Variants in PRKN observed in about 807,000 individuals in gnomAD.
PRKN encodes parkin RBR E3 ubiquitin protein ligase.
Under a neutral mutation model 59.5 loss-of-function variants are expected in PRKN, and 56 were observed. The ratio of observed to expected loss-of-function variants is 0.94; its 90% CI spans 0.76 to 1.18. PRKN has a LOEUF of 1.18. Among genes scored for constraint, PRKN ranks in the 50% most tolerant of loss-of-function variants. The pLI is 0.00. For missense variants in PRKN, 657 were observed against 596.4 expected (o/e 1.10, Z -1.06); for synonymous variants, 250 against 222.1 (o/e 1.13, Z -1.12).
At chr6:161,366,912 T>A (rs927084112) in intron 10 of PRKN, among the ~76,000 whole-genome samples, 1 of 151,754 alleles carries the variant, frequency 6.6e-6, no homozygotes, top group Non-Finnish European at 1.5e-5. Flanking sequence ...CGCTTTTTTG[T>A]TTTTTTTCTT....
intron 1 of PRKN, among the ~76,000 whole-genome samples, chr6:162,570,645 AGAGT>A (rs1171652728): frequency 2.0e-5 from 3 of 152,238 alleles, no homozygotes; most frequent in Admixed American, 1.3e-4. Context: ...GCCATAAAAA[AGAGT>A]GAGAGCCAGT....
At chr6:162,614,817 T>C (rs1782337642) in intron 1 of PRKN, among the ~76,000 whole-genome samples, 2 of 152,200 alleles carry the variant, frequency 1.3e-5, no homozygotes, top group Admixed American at 1.3e-4. Context: ...GAAAGAGCCA[T>C]ATACACAGTT....
At position 161,569,401 on chromosome 6, in the gene PRKN, G is replaced by T. The variant is rs1257682809; in HGVS notation, c.887C>A (p.Ser296Tyr). 1 of 1,613,906 alleles carries T rather than the reference G, an allele frequency of 6.2e-7. No homozygotes were observed. The highest frequency in any genetic ancestry group is 1.7e-4 in the Middle Eastern group (1 of 6,060). The change falls in exon 8 of 12, where the codon TCC (serine) becomes TAC (tyrosine). Residue 296 changes from serine (S) to tyrosine (Y), a missense_variant. Coordinates refer to ENST00000366898, the MANE Select transcript of PRKN (RefSeq NM_004562.3). ...GAAGTGATGGAGCTCTTTAATCAAGGAGTTGGGACAGCCAGCTGTTGGAAA... is the reference window on the plus strand; with the variant it reads ...GAAGTGATGGAGCTCTTTAATCAAGTAGTTGGGACAGCCAGCTGTTGGAAA... ...SLPCVAGCPN[S>Y]LIKELHHFRI...
At chr6:162,254,951 G>T (rs557743896) in intron 3 of PRKN, among the ~76,000 whole-genome samples, 1 of 151,936 alleles carries the variant, frequency 6.6e-6, no homozygotes, top group Non-Finnish European at 1.5e-5. Flanking sequence ...CAGAAAAACA[G>T]CCATGGGAAG....
At chr6:161,777,214 A>G (rs1411551854) in intron 7 of PRKN, among the ~76,000 whole-genome samples, 1 of 152,212 alleles carries the variant, frequency 6.6e-6, no homozygotes, top group Non-Finnish European at 1.5e-5. Context: ...CACCATATTT[A>G]TAGTAAGCGC....
chr6:162,096,468 T>C (rs1224391337), intron 4 of PRKN, among the ~76,000 whole-genome samples: 2 of 152,216 alleles, frequency 1.3e-5, no homozygotes, highest in Non-Finnish European at 2.9e-5. Context: ...AACCGTACTA[T>C]AGCTGGTGAT....
In PRKN at chr6:161,372,364, T is replaced by C. The variant is rs1056677060; in HGVS notation, c.1168-12159A>G. Among the ~76,000 whole-genome samples the C allele has an allele frequency of 6.6e-6, 1 of 152,158 alleles. No homozygotes were observed. The highest frequency in any genetic ancestry group is 1.5e-5 in the Non-Finnish European group (1 of 68,018). ...GAATGCGGAATCATCACTAATAGGA[T>C]GTGAGAGGGGTCAAAGCCGACCACA... On this transcript the variant is annotated intron_variant, in intron 10 of 11. Transcript: ENST00000366898. The surrounding 1 kb of genome is among the most constrained non-coding windows in gnomAD (Gnocchi z 4.2).
At chr6:162,213,837 ACACACACAC>A (rs1777518256) in intron 3 of PRKN, among the ~76,000 whole-genome samples, 3 of 146,956 alleles carry the variant, frequency 2.0e-5, no homozygotes, top group Non-Finnish European at 4.5e-5. Flanking sequence ...ACACACACAC[ACACACACAC>A]ACACACACAC....
chr6:161,875,443 T>G (rs1794699386), intron 6 of PRKN, among the ~76,000 whole-genome samples: 1 of 151,942 alleles, frequency 6.6e-6, no homozygotes, highest in African/African-American at 2.4e-5. Flanking sequence ...TCTGCCTGCC[T>G]CGGCCTCCCA....
At chr6:162,470,544 T>C (rs1016534777) in intron 1 of PRKN, among the ~76,000 whole-genome samples, 2 of 151,812 alleles carry the variant, frequency 1.3e-5, no homozygotes, top group East Asian at 2.0e-4. Context: ...TGAGCCAAGA[T>C]TGCATTACTG....
chr6:162,211,504 A>G (rs1307856933), intron 3 of PRKN, among the ~76,000 whole-genome samples: 1 of 152,158 alleles, frequency 6.6e-6, no homozygotes, highest in Admixed American at 6.5e-5. Context: ...TTTTCTTGCT[A>G]TTTAAAAAAT....
At chr6:161,534,905 C>T (rs772338833) in intron 9 of PRKN, among the ~76,000 whole-genome samples, 7 of 152,128 alleles carry the variant, frequency 4.6e-5, no homozygotes, top group South Asian at 2.1e-4. Flanking sequence ...CTAGTGATTG[C>T]GGTAGAAGAA....
In PRKN at chr6:162,445,654, T is replaced by C. The variant is rs149910648; in HGVS notation, c.8-2181A>G. Among the ~76,000 whole-genome samples, 392 of 127,720 alleles carry C rather than the reference T, an allele frequency of 3.1e-3. 3 individuals carry two copies. The highest frequency in any genetic ancestry group is 0.016 in the South Asian group (65 of 3,982). The allele number at this position is 127,720 out of a possible 152,430, so 83.8% of individuals were successfully genotyped here. A position where few individuals can be genotyped will look rare whatever the true frequency, so the allele number is the denominator to read the frequency against. On this transcript the variant is annotated intron_variant, in intron 1 of 11. Coordinates refer to ENST00000366898, the MANE Select transcript of PRKN (RefSeq NM_004562.3). ...TTTCAGTGAGCTATGGTTGTGCCAT[T>C]GCACTCAGTCACCCTGGGTGACAGA... is the stretch of plus-strand genomic sequence containing the variant.
At chr6:161,643,894 C>T (rs776724020) in intron 7 of PRKN, among the ~76,000 whole-genome samples, 3 of 152,100 alleles carry the variant, frequency 2.0e-5, no homozygotes, top group Non-Finnish European at 4.4e-5. Context: ...TTATTTATTT[C>T]ATTAGCATTG....
chr6:161,406,273 C>T (rs1370172325), intron 9 of PRKN, among the ~76,000 whole-genome samples: 1 of 151,854 alleles, frequency 6.6e-6, no homozygotes, highest in Non-Finnish European at 1.5e-5. Flanking sequence ...AAAATCTTCC[C>T]ACTTAGCATC....
chr6:162,066,488 A>T (rs755981742), intron 4 of PRKN, among the ~76,000 whole-genome samples: 1 of 152,200 alleles, frequency 6.6e-6, no homozygotes, highest in Non-Finnish European at 1.5e-5. Context: ...CAACAGTGTT[A>T]GGAGGGGGGC....
rs1122470 is a variant in PRKN, at chr6:161,348,078, C to G, written c.*2021G>C. On this transcript the variant is annotated 3_prime_UTR_variant, in exon 12 of 12. Coordinates refer to ENST00000366898, the MANE Select transcript of PRKN (RefSeq NM_004562.3). The surrounding 1 kb of genome is among the most constrained non-coding windows in gnomAD (Gnocchi z 4.9). ...CCTTGTTCAGGCACCGCAAGCCCAA[C>G]GCAGCATGCAGATTGGGAAGGCGCA... The G allele has an allele frequency of 5.4e-6, 1 of 186,802 alleles. No individual in the cohort carries two copies. The highest frequency in any genetic ancestry group is 1.1e-5 in the Non-Finnish European group (1 of 88,668). The allele number at this position is 186,802 out of a possible 1,614,324, so 11.6% of individuals were successfully genotyped here.
chr6:162,204,917 G>A (rs1444598057), intron 3 of PRKN, among the ~76,000 whole-genome samples: 1 of 151,244 alleles, frequency 6.6e-6, no homozygotes, highest in Non-Finnish European at 1.5e-5. Flanking sequence ...GACTGGAGTG[G>A]AATGGTACAA....
intron 1 of PRKN, among the ~76,000 whole-genome samples, chr6:162,606,106 A>C (rs566235296): frequency 1.3e-5 from 2 of 152,282 alleles, no homozygotes; most frequent in African/African-American, 4.8e-5. Context: ...ATGTTTGAAG[A>C]AGAAGCAAAA....
Sources: gnomAD v4.1 joint callset for allele counts (sites outside exome capture counted in the v4.1 genomes callset) on GRCh38, gnomAD v4.1.1 for gene constraint, Gnocchi (gnomAD v3.1) non-coding constraint, MANE v1.5 for transcripts, NCBI Gene and HGNC (gene_info 2026-07-23, HGNC 2026-07-21) for gene names.